ARHGEF3: variants seen among roughly 807,000 people sequenced by gnomAD.
The protein encoded by ARHGEF3 is Rho guanine nucleotide exchange factor 3.
ARHGEF3 carries 28 observed loss-of-function variants against 63.2 expected under a neutral mutation model. That is an observed-to-expected ratio of 0.44 (90% CI 0.33 to 0.61). The LOEUF is 0.61. ARHGEF3 is among the 20% of genes least tolerant of loss of function. ARHGEF3 has a pLI of 0.03. For synonymous variants in ARHGEF3, 266 were observed against 254.2 expected (o/e 1.05, Z -0.44); for missense variants, 533 against 659.3 (o/e 0.81, Z 2.10).
At chr3:56,985,215 A>C (rs761293147) in intron 2 of ARHGEF3, among the ~76,000 whole-genome samples, 12 of 152,150 alleles carry the variant, frequency 7.9e-5, no homozygotes, top group Non-Finnish European at 1.8e-4. Context: ...CAGCCTCCCA[A>C]GTAGCTGGGA....
intron 1 of ARHGEF3, among the ~76,000 whole-genome samples, chr3:57,052,000 C>A (rs938188024): frequency 6.6e-6 from 1 of 152,050 alleles, no homozygotes; most frequent in Non-Finnish European, 1.5e-5. Context: ...GCCACTACCA[C>A]CACCATCTAC....
At chr3:56,879,674 C>T (rs1274933006) in intron 4 of ARHGEF3, among the ~76,000 whole-genome samples, 1 of 151,136 alleles carries the variant, frequency 6.6e-6, no homozygotes, top group East Asian at 1.9e-4. Flanking sequence ...AGATACTTTC[C>T]ACTACACATA....
chr3:57,055,414 G>A (rs552124156), intron 1 of ARHGEF3, among the ~76,000 whole-genome samples: 2 of 152,050 alleles, frequency 1.3e-5, no homozygotes, highest in South Asian at 4.1e-4. Flanking sequence ...TGCCCGCCTC[G>A]GCCTCCCAGA....
At chr3:56,813,245 T>C (rs966257037) in intron 4 of ARHGEF3, among the ~76,000 whole-genome samples, 1 of 152,232 alleles carries the variant, frequency 6.6e-6, no homozygotes, top group Non-Finnish European at 1.5e-5. Context: ...TTCTTTAAGA[T>C]GAAGTCATCT....
In ARHGEF3 at chr3:56,730,635, C is replaced by A. The variant is rs138070635; in HGVS notation, c.1229-1013G>T. On this transcript the variant is annotated intron_variant, in intron 9 of 9. Transcript: ENST00000296315. ...ACCTCAGGTGATCCACCCACCTCAGCCTCCCAAAAAGATGGGACTATAGGC... is the reference window on the plus strand; with the variant it reads ...ACCTCAGGTGATCCACCCACCTCAGACTCCCAAAAAGATGGGACTATAGGC... 1.7e-3 allele frequency among the ~76,000 whole-genome samples: 265 copies of A among 152,254 alleles called. 3 individuals are homozygous for A. The highest frequency in any genetic ancestry group is 6.2e-3 in the African/African-American group (256 of 41,550).
At chr3:57,059,359 T>C (rs1705096756) in intron 1 of ARHGEF3, among the ~76,000 whole-genome samples, 1 of 151,964 alleles carries the variant, frequency 6.6e-6, no homozygotes, top group African/African-American at 2.4e-5. Flanking sequence ...TAAAATACAC[T>C]AACACTAACA....
intron 1 of ARHGEF3, among the ~76,000 whole-genome samples, chr3:57,072,847 C>T (rs1705997263): frequency 6.6e-6 from 1 of 152,092 alleles, no homozygotes; most frequent in Non-Finnish European, 1.5e-5. Context: ...GAGTTCAAGA[C>T]CAGCCTGGCC....
At chr3:56,912,087 ACATTCATTAAAT>A (rs72363775) in intron 3 of ARHGEF3, among the ~76,000 whole-genome samples, 4,670 of 152,198 alleles carry the variant, frequency 0.031, 102 homozygotes, top group Non-Finnish European at 0.048. Flanking sequence ...GTACTTAAAC[ACATTCATTAAAT>A]CATTCATTAA....
At chr3:56,884,128 T>C (rs1456995710) in intron 3 of ARHGEF3, among the ~76,000 whole-genome samples, 3 of 152,200 alleles carry the variant, frequency 2.0e-5, no homozygotes, top group African/African-American at 7.2e-5. Context: ...AAAGTCACTT[T>C]GCTTCTCTGA....
chr3:56,951,061 T>C (rs974392607), intron 3 of ARHGEF3, among the ~76,000 whole-genome samples: 1 of 151,062 alleles, frequency 6.6e-6, no homozygotes, highest in African/African-American at 2.4e-5. Flanking sequence ...TTCTCACTCA[T>C]AGGTGGGAAT....
chr3:56,846,227 A>AT (rs1408415986), intron 4 of ARHGEF3, among the ~76,000 whole-genome samples: 1 of 152,174 alleles, frequency 6.6e-6, no homozygotes, highest in Non-Finnish European at 1.5e-5. Flanking sequence ...TGTCTTTAAT[A>AT]TTTTTTACTC....
chr3:56,964,722 G>A (rs924410909), intron 2 of ARHGEF3, among the ~76,000 whole-genome samples: 4 of 151,952 alleles, frequency 2.6e-5, no homozygotes, highest in Non-Finnish European at 4.4e-5. Flanking sequence ...GCAGGGTCTC[G>A]ACCAAAGTTT....
chr3:56,849,507 T>C (rs1014988980), intron 4 of ARHGEF3, among the ~76,000 whole-genome samples: 21 of 151,962 alleles, frequency 1.4e-4, no homozygotes, highest in Non-Finnish European at 2.4e-4. Flanking sequence ...CTTCCCAGGG[T>C]TGTGGAAAGG....
At chr3:56,788,868 T>C (rs2107908063) in intron 1 of ARHGEF3, among the ~76,000 whole-genome samples, 1 of 152,288 alleles carries the variant, frequency 6.6e-6, no homozygotes, top group Admixed American at 6.5e-5. Flanking sequence ...CTTGCCAGTA[T>C]GCTTGGAACA....
At chr3:57,008,319 T>TG (rs1179239989) in intron 2 of ARHGEF3, among the ~76,000 whole-genome samples, 1 of 152,028 alleles carries the variant, frequency 6.6e-6, no homozygotes, top group Non-Finnish European at 1.5e-5. Context: ...GGGGCTCCTG[T>TG]GGTCACTCTG....
intron 1 of ARHGEF3, among the ~76,000 whole-genome samples, chr3:56,788,119 A>G (rs1305393982): frequency 6.6e-6 from 1 of 152,148 alleles, no homozygotes; most frequent in Non-Finnish European, 1.5e-5. Context: ...CCTCCCTCAG[A>G]ATCTTAGTGA....
At chr3:56,861,416 C>A (rs1476898033) in intron 4 of ARHGEF3, among the ~76,000 whole-genome samples, 2 of 152,134 alleles carry the variant, frequency 1.3e-5, no homozygotes, top group Non-Finnish European at 2.9e-5. Context: ...ACACAAGCTC[C>A]TCAAATGCTC....
chr3:56,928,097 C>A (rs2042321522), intron 3 of ARHGEF3, among the ~76,000 whole-genome samples: 1 of 152,148 alleles, frequency 6.6e-6, no homozygotes, highest in Non-Finnish European at 1.5e-5. Context: ...CTCTTCAGAG[C>A]AGGAGAGTAT....
intron 2 of ARHGEF3, among the ~76,000 whole-genome samples, chr3:57,004,854 G>T (rs934730254): frequency 4.6e-5 from 7 of 152,158 alleles, no homozygotes; most frequent in African/African-American, 1.7e-4. Context: ...CAGCTACTCA[G>T]GAGGCTGAGA....
Sources: allele counts gnomAD v4.1 joint callset (sites outside exome capture counted in the v4.1 genomes callset), GRCh38; gene constraint gnomAD v4.1.1; transcripts MANE v1.5; gene names NCBI Gene and HGNC (gene_info 2026-07-23, HGNC 2026-07-21).